Variants in DPYSL2 observed in about 807,000 individuals in gnomAD.
The protein encoded by DPYSL2 is dihydropyrimidinase like 2.
A neutral mutation model predicts 69.9 loss-of-function variants in DPYSL2; 13 were observed. The ratio of observed to expected loss-of-function variants is 0.19; its 90% CI spans 0.12 to 0.30. The LOEUF (loss-of-function observed/expected upper bound fraction) is 0.30, where lower values mean the gene tolerates loss of function less well. DPYSL2 is among the 10% of genes least tolerant of loss of function. The pLI is 1.00. For synonymous variants in DPYSL2, 326 were observed against 359.1 expected (o/e 0.91, Z 1.04); for missense variants, 587 against 918.9 (o/e 0.64, Z 4.67).
chr8:26,570,195 A>G (rs934924370), intron 1 of DPYSL2, among the ~76,000 whole-genome samples: 1 of 151,832 alleles, frequency 6.6e-6, no homozygotes, highest in African/African-American at 2.4e-5. Flanking sequence ...AGCATTTATC[A>G]TTCATTTAAA....
At position 26,528,615 on chromosome 8, in the gene DPYSL2, C is replaced by G. The variant is rs181364696; in HGVS notation, c.354+13936C>G. On this transcript the variant is annotated intron_variant, in intron 1 of 13. Transcript: ENST00000521913. ...TGAGCCAAGATCGCGCCACTGCACTCCAGCCTGGCGACTAAGGGAGACTCT... is the reference window on the plus strand; with the variant it reads ...TGAGCCAAGATCGCGCCACTGCACTGCAGCCTGGCGACTAAGGGAGACTCT... Among the ~76,000 whole-genome samples the G allele has an allele frequency of 3.3e-3, 504 of 150,754 alleles. 3 individuals are homozygous for G. Among genetic ancestry groups the G allele is most frequent in the African/African-American group, 0.012 (485 of 40,926 alleles).
At chr8:26,607,583 A>G (rs1163231653) in intron 3 of DPYSL2, among the ~76,000 whole-genome samples, 1 of 152,024 alleles carries the variant, frequency 6.6e-6, no homozygotes, top group East Asian at 1.9e-4. Flanking sequence ...TGAGCCCAGA[A>G]ATTCAAGACC....
intron 1 of DPYSL2, among the ~76,000 whole-genome samples, chr8:26,546,304 A>C (rs1040511723): frequency 6.6e-6 from 1 of 152,226 alleles, no homozygotes; most frequent in Non-Finnish European, 1.5e-5. Flanking sequence ...CATTGTTGCT[A>C]TACAGGAAAG....
chr8:26,543,743 T>C (rs1276237327), intron 1 of DPYSL2, among the ~76,000 whole-genome samples: 1 of 152,222 alleles, frequency 6.6e-6, no homozygotes, highest in Non-Finnish European at 1.5e-5. Context: ...CACCTCGGCC[T>C]CCCAAAGTGC....
In DPYSL2 at chr8:26,585,671, G is replaced by C. The variant is rs1801585651; in HGVS notation, c.628+1688G>C. Among the ~76,000 whole-genome samples, 4 of 152,324 alleles carry C rather than the reference G, an allele frequency of 2.6e-5. No homozygotes were observed. In the South Asian group the frequency reaches 6.2e-4, roughly 24 times the overall value. ...CCTCTCCTCCAGGGCGGACTGTGGAGAAACACTTGAACTTGGAGAAGCTTA... is the reference window on the plus strand; with the variant it reads ...CCTCTCCTCCAGGGCGGACTGTGGACAAACACTTGAACTTGGAGAAGCTTA... On this transcript the variant is annotated intron_variant, in intron 3 of 13. Transcript: ENST00000521913. The surrounding 1 kb of genome is among the most constrained non-coding windows in gnomAD (Gnocchi z 4.0).
chr8:26,563,110 G>A (rs113740230), intron 1 of DPYSL2, among the ~76,000 whole-genome samples: 6 of 152,096 alleles, frequency 3.9e-5, no homozygotes, highest in Middle Eastern at 3.2e-3. Context: ...AAGCCCACCC[G>A]AATTCAAAGG....
At chr8:26,601,306 T>C (rs1471315767) in intron 3 of DPYSL2, among the ~76,000 whole-genome samples, 1 of 152,140 alleles carries the variant, frequency 6.6e-6, no homozygotes. Context: ...CAGATGATGG[T>C]CATCTGGCTC....
chr8:26,562,328 A>G lies in DPYSL2; in HGVS notation c.355-19641A>G, dbSNP rs1020788836. Among the ~76,000 whole-genome samples the G allele has an allele frequency of 6.6e-6, 1 of 152,206 alleles. No individual in the cohort carries two copies. Among genetic ancestry groups the G allele is most frequent in the African/African-American group, 2.4e-5 (1 of 41,456 alleles). On this transcript the variant is annotated intron_variant, in intron 1 of 13. Coordinates refer to ENST00000521913, the MANE Select transcript of DPYSL2 (RefSeq NM_001197293.3). The surrounding 1 kb of genome is among the most constrained non-coding windows in gnomAD (Gnocchi z 4.9). ...GAGTTAATACTTGCAAAGCACTGAG[A>G]ACAATGCCTGGCCCAGTAATTGCTG...
Position 26,584,074 on chromosome 8 carries a change from G to T in DPYSL2, c.628+91G>T. On this transcript the variant is annotated intron_variant, in intron 3 of 13. Coordinates refer to ENST00000521913, the MANE Select transcript of DPYSL2 (RefSeq NM_001197293.3). ...GTTTGATTCTCTCCTTCTAAAACTT[G>T]CTGTCCTGAGCCACAGTTCAATCTA... 3 of 1,321,078 alleles carry T rather than the reference G, an allele frequency of 2.3e-6. No homozygotes were observed. The South Asian group carries it at 4.2e-5, about 19-fold the overall frequency. 81.8% of individuals were successfully genotyped at this position (1,321,078 alleles called of 1,614,324 possible).
chr8:26,653,491 G>A lies in DPYSL2; in HGVS notation c.1942+94G>A, dbSNP rs990328149. 4.7e-6 allele frequency: 6 copies of A among 1,279,728 alleles called. No individual in the cohort carries two copies. In the Admixed American group the frequency reaches 8.8e-5, roughly 19 times the overall value. 79.3% of individuals were successfully genotyped at this position (1,279,728 alleles called of 1,614,324 possible). A position where few individuals can be genotyped will look rare whatever the true frequency, so the allele number is the denominator to read the frequency against. ...TGCATTTGGAAAGGACACAGAAATA[G>A]AAGTGAATGATATTCCCTTTCTCTC... On this transcript the variant is annotated intron_variant, in intron 13 of 13. Coordinates refer to ENST00000521913, the MANE Select transcript of DPYSL2 (RefSeq NM_001197293.3). This position sits in a 1 kb window ranked among gnomAD's most constrained non-coding sequence, Gnocchi z 5.7.
intron 3 of DPYSL2, among the ~76,000 whole-genome samples, chr8:26,611,862 G>A (rs1486165613): frequency 6.6e-6 from 1 of 152,196 alleles, no homozygotes; most frequent in African/African-American, 2.4e-5. Flanking sequence ...GGCGCCTGGG[G>A]CTGGGGCCTG....
At position 26,605,051 on chromosome 8, in the gene DPYSL2, T is replaced by C. The variant is rs118143761; in HGVS notation, c.629-19092T>C. Among the ~76,000 whole-genome samples the C allele has an allele frequency of 5.5e-3, 835 of 152,314 alleles. 4 individuals are homozygous for C. Among genetic ancestry groups the C allele is most frequent in the Non-Finnish European group, 8.5e-3 (575 of 68,032 alleles). ...TCTTTTATGTTTCTCAAAGGCGTTA[T>C]GTTCTGCATTGTAAATGTGCGGAAA... is the stretch of plus-strand genomic sequence containing the variant. On this transcript the variant is annotated intron_variant, in intron 3 of 13. Coordinates refer to ENST00000521913, the MANE Select transcript of DPYSL2 (RefSeq NM_001197293.3). This position sits in a 1 kb window ranked among gnomAD's most constrained non-coding sequence, Gnocchi z 4.1.
chr8:26,554,573 C>T (rs961820297), intron 1 of DPYSL2, among the ~76,000 whole-genome samples: 3 of 152,066 alleles, frequency 2.0e-5, no homozygotes, highest in South Asian at 4.2e-4. Flanking sequence ...TTGGCATCTT[C>T]GTCATGAAAT....
At chr8:26,607,482 C>CAAAAAAAA (rs543475606) in intron 3 of DPYSL2, among the ~76,000 whole-genome samples, 90 of 105,884 alleles carry the variant, frequency 8.5e-4, no homozygotes, top group African/African-American at 3.0e-3. Context: ...GACTCTGTCT[C>CAAAAAAAA]AAAAAAAAAA....
rs754785889 is a variant in DPYSL2, at chr8:26,556,997, A to T, written c.355-24972A>T. On this transcript the variant is annotated intron_variant, in intron 1 of 13. Coordinates refer to ENST00000521913, the MANE Select transcript of DPYSL2 (RefSeq NM_001197293.3). ...GAAAATACAGCCTTTTCAACAAATGATGCTGGAACAACTGGCCAACCCCAT... is the reference window on the plus strand; with the variant it reads ...GAAAATACAGCCTTTTCAACAAATGTTGCTGGAACAACTGGCCAACCCCAT... Among the ~76,000 whole-genome samples, 9 of 152,178 alleles carry T rather than the reference A, an allele frequency of 5.9e-5. No individual in the cohort carries two copies. The South Asian group carries it at 1.9e-3, about 31-fold the overall frequency.
chr8:26,536,425 C>T (rs1313487535), intron 1 of DPYSL2, among the ~76,000 whole-genome samples: 2 of 151,928 alleles, frequency 1.3e-5, no homozygotes, highest in Non-Finnish European at 2.9e-5. Flanking sequence ...AATCCTAGCA[C>T]TTTGGGAGGC....
rs1802189703 is a variant in DPYSL2, at chr8:26,609,878, T to G, written c.629-14265T>G. 1.3e-5 allele frequency among the ~76,000 whole-genome samples: 2 copies of G among 152,214 alleles called. No individual in the cohort carries two copies. The highest frequency in any genetic ancestry group is 4.1e-4 in the South Asian group (2 of 4,838). On this transcript the variant is annotated intron_variant, in intron 3 of 13. Coordinates refer to ENST00000521913, the MANE Select transcript of DPYSL2 (RefSeq NM_001197293.3). The surrounding 1 kb of genome is among the most constrained non-coding windows in gnomAD (Gnocchi z 6.5). Reference sequence around the variant, plus strand: ...TGTGGTCAAAACTGGGAAGTGTCTGTTTCCTTAAAACAGCCTTTCCTCAAA... The same window carrying G: ...TGTGGTCAAAACTGGGAAGTGTCTGGTTCCTTAAAACAGCCTTTCCTCAAA...
intron 1 of DPYSL2, among the ~76,000 whole-genome samples, chr8:26,563,128 T>G (rs1363657780): frequency 1.3e-5 from 2 of 152,148 alleles, no homozygotes; most frequent in African/African-American, 4.8e-5. Context: ...AGGGAGGGCA[T>G]GTAGACCCCA....
intron 1 of DPYSL2, among the ~76,000 whole-genome samples, chr8:26,570,635 G>A (rs1340886473): frequency 4.0e-5 from 6 of 151,052 alleles, no homozygotes; most frequent in Non-Finnish European, 8.9e-5. Context: ...TTGAGAGGCT[G>A]AGGCATGAGA....
Sources: allele counts gnomAD v4.1 joint callset (sites outside exome capture counted in the v4.1 genomes callset), GRCh38; gene constraint gnomAD v4.1.1; non-coding constraint Gnocchi (gnomAD v3.1); transcripts MANE v1.5; gene names NCBI Gene and HGNC (gene_info 2026-07-23, HGNC 2026-07-21).